ARAP2: variants seen among roughly 807,000 people sequenced by gnomAD.
The protein encoded by ARAP2 is ArfGAP with RhoGAP domain, ankyrin repeat and PH domain 2.
In ARAP2, 148 loss-of-function variants were observed where a neutral mutation model predicts 194.5. The ratio of observed to expected loss-of-function variants is 0.76; its 90% CI spans 0.67 to 0.87. ARAP2 has a LOEUF of 0.87. Among genes scored for constraint, ARAP2 ranks in the 40% least tolerant of loss-of-function variants. The pLI, the probability that ARAP2 is intolerant of heterozygous loss-of-function variation, is 0.00. For synonymous variants in ARAP2, 695 were observed against 683.5 expected (o/e 1.02, Z -0.26); for missense variants, 2,128 against 1,989.7 (o/e 1.07, Z -1.32).
At chr4:36,237,757 C>A (rs1442654209) in intron 1 of ARAP2, among the ~76,000 whole-genome samples, 2 of 152,150 alleles carry the variant, frequency 1.3e-5, no homozygotes, top group Admixed American at 1.3e-4. Context: ...TCCTTTACAG[C>A]AATACAAGTG....
At position 36,214,430 on chromosome 4, in the gene ARAP2, G is replaced by A. The variant is rs751905104; in HGVS notation, c.956C>T (p.Ala319Val). The change falls in exon 3 of 33, where the codon GCA (alanine) becomes GTA (valine). Residue 319 changes from alanine (A) to valine (V), a missense_variant. Physicochemically the swap from Ala to Val is moderately conservative, Grantham distance 64. Transcript: ENST00000303965. The stretch of plus-strand genomic sequence containing the variant: ...TAAACACATAGACTCACTTTGCCAT[G>A]CCACAGATTTTTCAGTTGAGGTAGC... ...NVATSTEKSV[A>V]WQNSNEENSS... 1 of 1,593,968 alleles carries A rather than the reference G, an allele frequency of 6.3e-7. No individual in the cohort carries two copies. The highest frequency in any genetic ancestry group is 1.7e-5 in the Admixed American group (1 of 58,714).
chr4:36,017,491 C>G (rs11737059), intron 6 of ARAP2, among the ~76,000 whole-genome samples: 8 of 134,580 alleles, frequency 5.9e-5, no homozygotes, highest in Non-Finnish European at 1.2e-4. Flanking sequence ...AGGAGTTACT[C>G]TTTTACAAAA....
At chr4:36,143,456 C>A (rs1347041829) in intron 19 of ARAP2, among the ~76,000 whole-genome samples, 1 of 151,560 alleles carries the variant, frequency 6.6e-6, no homozygotes, top group African/African-American at 2.4e-5. Context: ...ATACTGAACA[C>A]TTGATTTTTA....
intron 30 of ARAP2, among the ~76,000 whole-genome samples, chr4:36,081,749 G>C (rs1729605865): frequency 6.6e-6 from 1 of 151,808 alleles, no homozygotes; most frequent in Non-Finnish European, 1.5e-5. Context: ...TGTAGGTGGA[G>C]GAGGGGCACA....
At chr4:36,199,731 C>T (rs1743957371) in intron 6 of ARAP2, among the ~76,000 whole-genome samples, 1 of 152,152 alleles carries the variant, frequency 6.6e-6, no homozygotes, top group African/African-American at 2.4e-5. Flanking sequence ...TACAAACTTT[C>T]AGTTATAAGA....
intron 27 of ARAP2, among the ~76,000 whole-genome samples, chr4:36,105,887 G>C (rs1002619974): frequency 6.6e-6 from 1 of 151,874 alleles, no homozygotes; most frequent in Non-Finnish European, 1.5e-5. Context: ...ATTATGTCTA[G>C]GTGTAGGTTT....
At chr4:36,205,255 C>G (rs1333946020) in intron 6 of ARAP2, among the ~76,000 whole-genome samples, 1 of 151,750 alleles carries the variant, frequency 6.6e-6, no homozygotes, top group Non-Finnish European at 1.5e-5. Context: ...TAAATATGAT[C>G]TTCCATGGTG....
At chr4:36,203,491 G>T (rs1185664172) in intron 6 of ARAP2, among the ~76,000 whole-genome samples, 2 of 152,108 alleles carry the variant, frequency 1.3e-5, no homozygotes, top group Admixed American at 1.3e-4. Context: ...GGCTGAGGCA[G>T]GAGAATTGCT....
chr4:36,211,591 A>G (rs1172191281), intron 5 of ARAP2, among the ~76,000 whole-genome samples: 1 of 152,144 alleles, frequency 6.6e-6, no homozygotes, highest in Non-Finnish European at 1.5e-5. Flanking sequence ...ATTATGTCAA[A>G]TGTTTACTAA....
intron 8 of ARAP2, among the ~76,000 whole-genome samples, chr4:36,014,372 A>AAGAG (rs1553862096): frequency 6.7e-5 from 8 of 118,814 alleles, no homozygotes; most frequent in African/African-American, 2.4e-4. Context: ...GAAAGAAAGA[A>AAGAG]AGAAAGAAAG....
At chr4:36,079,321 T>C (rs17576255) in intron 31 of ARAP2, among the ~76,000 whole-genome samples, 1,650 of 152,242 alleles carry the variant, frequency 0.011, 48 homozygotes, top group East Asian at 0.097. Context: ...TGAGAAGAGC[T>C]GTGTTTATTA....
chr4:36,024,259 A>G (rs1159321064), intron 5 of ARAP2, among the ~76,000 whole-genome samples: 1 of 152,164 alleles, frequency 6.6e-6, no homozygotes. Context: ...ATGAATATAT[A>G]TGTTTATTCA....
intron 2 of ARAP2, among the ~76,000 whole-genome samples, chr4:36,052,756 A>C (rs1452142362): frequency 6.6e-6 from 1 of 152,126 alleles, no homozygotes; most frequent in Non-Finnish European, 1.5e-5. Context: ...CGAGGTCAGG[A>C]GATCCAGACC....
At chr4:36,189,362 G>A (rs938167005) in intron 7 of ARAP2, among the ~76,000 whole-genome samples, 1 of 152,082 alleles carries the variant, frequency 6.6e-6, no homozygotes, top group African/African-American at 2.4e-5. Context: ...ACCAGAAGAG[G>A]TAACAAGCAT....
At chr4:36,169,416 T>C (rs962676200) in intron 9 of ARAP2, among the ~76,000 whole-genome samples, 1 of 152,212 alleles carries the variant, frequency 6.6e-6, no homozygotes, top group Non-Finnish European at 1.5e-5. Context: ...AATAGATGGC[T>C]GCTCATCTCC....
chr4:36,121,305 G>A lies in ARAP2; in HGVS notation c.3768C>T (p.Ile1256=). Residue 1256 remains isoleucine (I), a synonymous_variant, in exon 23 of 33, where the codon ATC becomes ATT. Transcript: ENST00000303965. ...HLYRVQKCSE[I]NHMNAHNLAL... ...CCAAATTATGGGCATTCATGTGATT[G>A]ATTTCTGAGCATTTCTGAACCCTGT... 3 of 1,599,164 alleles carry A rather than the reference G, an allele frequency of 1.9e-6. No individual in the cohort carries two copies. The highest frequency in any genetic ancestry group is 2.6e-6 in the Non-Finnish European group (3 of 1,171,686).
chr4:36,057,391 T>G (rs1723701049), intron 2 of ARAP2, among the ~76,000 whole-genome samples: 1 of 151,880 alleles, frequency 6.6e-6, no homozygotes, highest in Non-Finnish European at 1.5e-5. Context: ...GGCTAACATA[T>G]TGAATCTATT....
chr4:36,121,186 A>G lies in ARAP2; in HGVS notation c.3887T>C (p.Ile1296Thr), dbSNP rs756097380. Residue 1296 changes from isoleucine to threonine, a missense_variant, in exon 23 of 33, where the codon ATA (isoleucine) becomes ACA (threonine). Physicochemically the swap from Ile to Thr is moderately conservative, Grantham distance 89. Coordinates refer to ENST00000303965, the MANE Select transcript of ARAP2 (RefSeq NM_015230.4). ...IEDLINNYVEIFEVKEDQVKQ... is the reference protein window; with the variant it reads ...IEDLINNYVETFEVKEDQVKQ... ...AGGATACAAAATAATTACCTCAAAT[A>G]TTTCTACATAATTATTAATTAGGTC... is the stretch of plus-strand genomic sequence containing the variant. The G allele has an allele frequency of 1.9e-6, 3 of 1,589,152 alleles. No homozygotes were observed. Among genetic ancestry groups the G allele is most frequent in the East Asian group, 4.5e-5 (2 of 44,114 alleles).
intron 16 of ARAP2, among the ~76,000 whole-genome samples, chr4:36,149,625 T>A (rs1730472182): frequency 6.6e-6 from 1 of 152,202 alleles, no homozygotes; most frequent in Non-Finnish European, 1.5e-5. Flanking sequence ...TATAAACTAT[T>A]CTTTTTTATA....
Sources: allele counts gnomAD v4.1 joint callset (sites outside exome capture counted in the v4.1 genomes callset), GRCh38; gene constraint gnomAD v4.1.1; transcripts MANE v1.5; gene names NCBI Gene and HGNC (gene_info 2026-07-23, HGNC 2026-07-21).